RTN1: variants seen among roughly 807,000 people sequenced by gnomAD.
The protein encoded by RTN1 is reticulon-1.
A neutral mutation model predicts 65.5 loss-of-function variants in RTN1; 25 were observed. The observed-to-expected ratio is 0.38, with a 90% CI of 0.28 to 0.53. The LOEUF is 0.53. Ranked by LOEUF, RTN1 falls within the 20% of genes least tolerant of loss-of-function variation. RTN1 has a pLI of 0.79. For missense variants in RTN1, 983 were observed against 1,025.4 expected, an observed-to-expected ratio of 0.96 and a Z score of 0.57; for synonymous variants, 471 against 447.6, an observed-to-expected ratio of 1.05 and a Z score of -0.66.
chr14:59,662,163 C>CTT (rs145206066), intron 3 of RTN1, among the ~76,000 whole-genome samples: 16 of 148,150 alleles, frequency 1.1e-4, no homozygotes, highest in East Asian at 2.0e-4. Flanking sequence ...TTTCTTTTTT[C>CTT]TTTTTTTTTT....
intron 1 of RTN1, among the ~76,000 whole-genome samples, chr14:59,750,313 A>T (rs187090761): frequency 5.6e-3 from 117 of 20,848 alleles, no homozygotes; most frequent in African/African-American, 7.2e-3. Flanking sequence ...TATAATATAT[A>T]ATATCTATAA....
intron 3 of RTN1, among the ~76,000 whole-genome samples, chr14:59,656,761 T>G (rs1883130461): frequency 6.6e-6 from 1 of 152,228 alleles, no homozygotes; most frequent in African/African-American, 2.4e-5. Context: ...TCCCTGCTGG[T>G]CTGCCCAAGT....
intron 1 of RTN1, among the ~76,000 whole-genome samples, chr14:59,802,577 T>C (rs1886566699): frequency 6.6e-6 from 1 of 152,212 alleles, no homozygotes; most frequent in Non-Finnish European, 1.5e-5. Flanking sequence ...TAGATGTGAT[T>C]TTATATGAGA....
intron 1 of RTN1, among the ~76,000 whole-genome samples, chr14:59,767,946 G>A (rs568263062): frequency 2.0e-5 from 3 of 152,274 alleles, no homozygotes; most frequent in South Asian, 4.1e-4. Flanking sequence ...AGTGACAATC[G>A]TACTGAACAC....
In RTN1 at chr14:59,727,368, C is replaced by A; in HGVS notation, c.1316G>T (p.Gly439Val). The A allele has an allele frequency of 6.6e-7, 1 of 1,514,176 alleles. No homozygotes were observed. The highest frequency in any genetic ancestry group is 8.8e-7 in the Non-Finnish European group (1 of 1,130,866). The allele number at this position is 1,514,176 out of a possible 1,614,324, so 93.8% of individuals were successfully genotyped here. The stretch of plus-strand genomic sequence containing the variant: ...TGGCGAGGCGGGCGAGGGCGGCGGG[C>A]CGCCCACGTGGCCAAAGCTCACATA... The part of the protein sequence containing the change: ...SGYVSFGHVG[G>V]PPPSPASPSI... The change falls in exon 3 of 9, where the codon GGC becomes GTC. Residue 439 changes from glycine to valine, a missense_variant. Around this residue, in one of 2 missense-constraint regions of RTN1, gnomAD observed 818 missense variants for 801.8 expected, o/e 1.02. Transcript: ENST00000267484. The surrounding 1 kb of genome is among the most constrained non-coding windows in gnomAD (Gnocchi z 4.2).
chr14:59,814,013 G>T (rs1250371241), intron 1 of RTN1, among the ~76,000 whole-genome samples: 3 of 152,168 alleles, frequency 2.0e-5, no homozygotes, highest in African/African-American at 7.2e-5. Context: ...ATTTTCTCAT[G>T]AAAAAGATGC....
chr14:59,699,253 T>TC (rs1880211528), intron 3 of RTN1, among the ~76,000 whole-genome samples: 2 of 151,028 alleles, frequency 1.3e-5, no homozygotes, highest in African/African-American at 4.9e-5. Context: ...TACCACCTGT[T>TC]CCCCAACAAC....
At chr14:59,701,906 G>T (rs1167444036) in intron 3 of RTN1, among the ~76,000 whole-genome samples, 2 of 152,144 alleles carry the variant, frequency 1.3e-5, no homozygotes, top group East Asian at 3.9e-4. Flanking sequence ...TCCTGTTTCA[G>T]ATTCTTACGT....
At chr14:59,739,182 A>G (rs572238513) in intron 2 of RTN1, among the ~76,000 whole-genome samples, 48 of 152,186 alleles carry the variant, frequency 3.2e-4, no homozygotes, top group African/African-American at 1.1e-3. Flanking sequence ...TCAGTCTTTT[A>G]TTAGGCAGGC....
intron 2 of RTN1, among the ~76,000 whole-genome samples, chr14:59,732,267 C>T (rs147982946): frequency 2.8e-4 from 42 of 152,260 alleles, no homozygotes; most frequent in Non-Finnish European, 5.3e-4. Context: ...ATGGAAGGCC[C>T]TGAAAACTAG....
intron 3 of RTN1, among the ~76,000 whole-genome samples, chr14:59,726,479 G>C (rs1201977128): frequency 6.6e-6 from 1 of 152,130 alleles, no homozygotes; most frequent in Non-Finnish European, 1.5e-5. Flanking sequence ...TAAGAAACAG[G>C]CCTGGCTGGC....
chr14:59,749,322 A>G (rs1375946330), intron 1 of RTN1, among the ~76,000 whole-genome samples: 1 of 45,250 alleles, frequency 2.2e-5, no homozygotes, highest in Non-Finnish European at 3.3e-5. Context: ...ATATATATCT[A>G]TATATCTATA....
intron 3 of RTN1, among the ~76,000 whole-genome samples, chr14:59,657,406 C>A (rs1883144123): frequency 6.6e-6 from 1 of 152,056 alleles, no homozygotes; most frequent in Non-Finnish European, 1.5e-5. Context: ...GAGACTCTGT[C>A]TCAACAAAAC....
At chr14:59,656,573 A>G (rs1034129459) in intron 3 of RTN1, among the ~76,000 whole-genome samples, 1 of 152,146 alleles carries the variant, frequency 6.6e-6, no homozygotes, top group African/African-American at 2.4e-5. Context: ...GCAGCTTTAC[A>G]TGGTCACTTG....
chr14:59,612,344 A>G (rs1248470350), intron 3 of RTN1, among the ~76,000 whole-genome samples: 1 of 152,244 alleles, frequency 6.6e-6, no homozygotes, highest in East Asian at 1.9e-4. Flanking sequence ...GAAGCTGCAG[A>G]GAAAAGGAAC....
intron 3 of RTN1, among the ~76,000 whole-genome samples, chr14:59,648,465 A>G (rs575464760): frequency 6.6e-6 from 1 of 152,324 alleles, no homozygotes; most frequent in South Asian, 2.1e-4. Context: ...TCCTGAAACC[A>G]AAACCTGGCA....
chr14:59,607,688 C>T, intron 3 of RTN1, 196 bp from the exon 4 acceptor site: 1 of 600,614 alleles, frequency 1.7e-6, no homozygotes, highest in Non-Finnish European at 3.0e-6. Flanking sequence ...ATCTTTTCCA[C>T]CCTTGAGGAT....
chr14:59,617,457 C>T (rs191177094), intron 3 of RTN1, among the ~76,000 whole-genome samples: 53 of 152,314 alleles, frequency 3.5e-4, no homozygotes, highest in South Asian at 1.0e-3. Context: ...AATAATTACT[C>T]TTGCTGTACT....
At position 59,783,781 on chromosome 14, in the gene RTN1, A is replaced by G. The variant is rs1264311567; in HGVS notation, c.242-37300T>C. 2.6e-5 allele frequency among the ~76,000 whole-genome samples: 4 copies of G among 152,316 alleles called. No homozygotes were observed. The East Asian group carries it at 7.7e-4, about 29-fold the overall frequency. On this transcript the variant is annotated intron_variant, in intron 1 of 8. Coordinates refer to ENST00000267484, the MANE Select transcript of RTN1 (RefSeq NM_021136.3). ...CTTTGAGGATAACCCAAGGTAAAAC[A>G]AAAACAATGAAGGGATGTTTTTCTC...
Sources: allele counts gnomAD v4.1 joint callset (sites outside exome capture counted in the v4.1 genomes callset), GRCh38; gene constraint gnomAD v4.1.1; regional missense constraint gnomAD v4.1.1; non-coding constraint Gnocchi (gnomAD v3.1); transcripts MANE v1.5; gene names NCBI Gene and HGNC (gene_info 2026-07-23, HGNC 2026-07-21).